PDE4D: variants seen among roughly 807,000 people sequenced by gnomAD.
PDE4D encodes the protein 3',5'-cyclic-AMP phosphodiesterase 4D.
Under a neutral mutation model 87.4 loss-of-function variants are expected in PDE4D, and 24 were observed. The observed-to-expected ratio is 0.27, with a 90% CI of 0.20 to 0.39. PDE4D has a LOEUF of 0.39. Among genes scored for constraint, PDE4D ranks in the 10% least tolerant of loss-of-function variants. PDE4D has a pLI of 1.00. For synonymous variants in PDE4D, 384 were observed against 383.2 expected (o/e 1.00, Z -0.02); for missense variants, 714 against 1,041.0 (o/e 0.69, Z 4.32).
intron 1 of PDE4D, among the ~76,000 whole-genome samples, chr5:59,259,772 C>T (rs1761647702): frequency 6.6e-6 from 1 of 151,856 alleles, no homozygotes. Flanking sequence ...AACGGTTACA[C>T]AGAGTCCCTC....
chr5:60,372,860 G>A (rs761397289), intron 1 of PDE4D: 1 of 152,152 alleles, frequency 6.6e-6, no homozygotes, highest in Non-Finnish European at 1.5e-5. Flanking sequence ...TTTGTGCTTA[G>A]TAAATATTAA....
At chr5:60,255,973 G>A (rs79809741) in intron 1 of PDE4D, among the ~76,000 whole-genome samples, 2,002 of 151,922 alleles carry the variant, frequency 0.013, 63 homozygotes, top group East Asian at 0.12. Flanking sequence ...TGTTTAACAA[G>A]CTCATCATCT....
chr5:60,323,231 T>C (rs1454822975), intron 1 of PDE4D, among the ~76,000 whole-genome samples: 1 of 152,192 alleles, frequency 6.6e-6, no homozygotes, highest in Non-Finnish European at 1.5e-5. Context: ...GACACAGACT[T>C]AAGTGTCTAC....
intron 5 of PDE4D, among the ~76,000 whole-genome samples, chr5:59,050,857 T>C (rs139247186): frequency 2.0e-4 from 31 of 152,394 alleles, no homozygotes; most frequent in African/African-American, 4.6e-4. Context: ...AAGGGCTGTA[T>C]CTGACATATA....
At chr5:59,991,469 T>A (rs1763000158) in intron 2 of PDE4D, among the ~76,000 whole-genome samples, 1 of 152,118 alleles carries the variant, frequency 6.6e-6, no homozygotes, top group Non-Finnish European at 1.5e-5. Context: ...TTCCATCATC[T>A]CCTTGCAATA....
rs74677623 is a variant in PDE4D, at chr5:59,416,880, C to G, written c.456-200912G>C. 1.0e-2 allele frequency among the ~76,000 whole-genome samples: 1,515 copies of G among 152,174 alleles called. 30 individuals carry two copies. Among genetic ancestry groups the G allele is most frequent in the African/African-American group, 0.035 (1,454 of 41,492 alleles). Reference sequence around the variant, plus strand: ...TTGGATTTATAATAAAATGCCATTACAAGAAATGCTAATAAAATTATATGT... The same window carrying G: ...TTGGATTTATAATAAAATGCCATTAGAAGAAATGCTAATAAAATTATATGT... On this transcript the variant is annotated intron_variant, in intron 1 of 14. Transcript: ENST00000340635.
rs1768994788 is a variant in PDE4D at position 59,092,897 on chromosome 5, C to T, written c.809-53926G>A. On this transcript the variant is annotated intron_variant, in intron 5 of 14. Coordinates refer to ENST00000340635, the MANE Select transcript of PDE4D (RefSeq NM_001104631.2). ...TTCTACTCTAAGGTGCTCTTCCAAG[C>T]TACTTTCCTCCTCAGCTATCGTTCC... is the stretch of plus-strand genomic sequence containing the variant. Among the ~76,000 whole-genome samples, 2 of 152,166 alleles carry T rather than the reference C, an allele frequency of 1.3e-5. 1 individual carries two copies. Among genetic ancestry groups the T allele is most frequent in the South Asian group, 4.1e-4 (2 of 4,828 alleles).
intron 5 of PDE4D, among the ~76,000 whole-genome samples, chr5:59,180,114 A>C (rs1223930584): frequency 6.6e-6 from 1 of 152,188 alleles, no homozygotes; most frequent in Non-Finnish European, 1.5e-5. Context: ...AACTGAGTTT[A>C]TTCTCAGCTC....
At chr5:59,601,386 G>A (rs1257048909) in intron 1 of PDE4D, among the ~76,000 whole-genome samples, 1 of 149,352 alleles carries the variant, frequency 6.7e-6, no homozygotes, top group African/African-American at 2.5e-5. Context: ...GCTTGCAACT[G>A]GGGAGCTGCT....
At chr5:60,165,753 C>T (rs1782834026) in intron 2 of PDE4D, among the ~76,000 whole-genome samples, 2 of 149,738 alleles carry the variant, frequency 1.3e-5, no homozygotes, top group African/African-American at 2.4e-5. Context: ...TAACATTTAA[C>T]CTTTGATCTA....
intron 1 of PDE4D, among the ~76,000 whole-genome samples, chr5:59,387,557 G>C (rs1787341611): frequency 6.6e-6 from 1 of 152,070 alleles, no homozygotes; most frequent in Non-Finnish European, 1.5e-5. Flanking sequence ...TCCATAGTTA[G>C]GGTGGCGTAT....
At chr5:59,625,991 G>A (rs1830855383) in intron 1 of PDE4D, among the ~76,000 whole-genome samples, 1 of 152,224 alleles carries the variant, frequency 6.6e-6, no homozygotes, top group Non-Finnish European at 1.5e-5. Flanking sequence ...GGGTGGCTGA[G>A]GCAGGAGAAT....
chr5:59,440,395 C>G (rs973252144), intron 1 of PDE4D, among the ~76,000 whole-genome samples: 1 of 152,190 alleles, frequency 6.6e-6, no homozygotes, highest in African/African-American at 2.4e-5. Flanking sequence ...TAATCAGTTA[C>G]AAATGCATAG....
At chr5:59,465,434 G>A (rs1253608204) in intron 1 of PDE4D, among the ~76,000 whole-genome samples, 2 of 152,030 alleles carry the variant, frequency 1.3e-5, no homozygotes, top group Non-Finnish European at 2.9e-5. Context: ...TACATCCTAG[G>A]AGAAATATTT....
At chr5:59,469,577 G>C (rs1802123339) in intron 1 of PDE4D, among the ~76,000 whole-genome samples, 1 of 152,168 alleles carries the variant, frequency 6.6e-6, no homozygotes, top group African/African-American at 2.4e-5. Flanking sequence ...CTGAGTGACA[G>C]CTCTGGAATA....
At chr5:59,304,644 T>C (rs920360631) in intron 1 of PDE4D, among the ~76,000 whole-genome samples, 5 of 152,222 alleles carry the variant, frequency 3.3e-5, no homozygotes, top group Non-Finnish European at 5.9e-5. Flanking sequence ...TCTGCATCTA[T>C]TGAGATGATC....
chr5:58,976,281 C>G (rs1743761934), intron 13 of PDE4D, 69 bp downstream of exon 13: 2 of 1,505,962 alleles, frequency 1.3e-6, no homozygotes, highest in South Asian at 2.7e-5. Flanking sequence ...CTTATCAAAG[C>G]TGAACACGCA....
chr5:60,375,750 T>C (rs1360989695), intron 1 of PDE4D, among the ~76,000 whole-genome samples: 1 of 152,158 alleles, frequency 6.6e-6, no homozygotes, highest in Non-Finnish European at 1.5e-5. Flanking sequence ...TCTTTTATAA[T>C]ATACTACCAG....
chr5:59,510,147 TTGAG>T (rs1810035445), intron 1 of PDE4D, among the ~76,000 whole-genome samples: 2 of 150,376 alleles, frequency 1.3e-5, no homozygotes, highest in Admixed American at 6.6e-5. Flanking sequence ...TAAATAACAC[TTGAG>T]TGAGAGAAGA....
Sources: allele counts gnomAD v4.1 joint callset (sites outside exome capture counted in the v4.1 genomes callset), GRCh38; gene constraint gnomAD v4.1.1; transcripts MANE v1.5; gene names NCBI Gene and HGNC (gene_info 2026-07-23, HGNC 2026-07-21).